The following HCN1 variants were observed in gnomAD, a reference collection of about 807,000 sequenced individuals.
The protein encoded by HCN1 is hyperpolarization activated cyclic nucleotide gated potassium channel 1, also known as potassium/sodium hyperpolarization-activated cyclic nucleotide-gated channel 1.
HCN1 carries 13 observed loss-of-function variants against 78.9 expected under a neutral mutation model. The observed-to-expected ratio is 0.16, with a 90% confidence interval of 0.11 to 0.26. HCN1 has a LOEUF of 0.26. Among genes scored for constraint, HCN1 ranks in the 10% least tolerant of loss-of-function variants. HCN1 has a pLI of 1.00. For synonymous variants in HCN1, 552 were observed against 455.5 expected (o/e 1.21, Z -2.70); for missense variants, 810 against 1,154.3 (o/e 0.70, Z 4.32).
At chr5:45,301,677 T>G (rs1561095333) in intron 6 of HCN1, among the ~76,000 whole-genome samples, 2 of 147,040 alleles carry the variant, frequency 1.4e-5, no homozygotes, top group African/African-American at 5.1e-5. Context: ...GCCATAATCA[T>G]GCCAGTGCAC....
chr5:45,359,254 G>C (rs191463641), intron 4 of HCN1, among the ~76,000 whole-genome samples: 6 of 151,946 alleles, frequency 3.9e-5, no homozygotes, highest in Non-Finnish European at 5.9e-5. Flanking sequence ...CATTGTATTA[G>C]AGGGGCAAAT....
chr5:45,665,256 C>T (rs1375670723), intron 1 of HCN1, among the ~76,000 whole-genome samples: 2 of 138,726 alleles, frequency 1.4e-5, no homozygotes, highest in East Asian at 4.3e-4. Flanking sequence ...AATGAGAACA[C>T]ATGGACACAG....
intron 2 of HCN1, among the ~76,000 whole-genome samples, chr5:45,478,458 G>A (rs543646216): frequency 3.9e-5 from 6 of 152,280 alleles, no homozygotes; most frequent in South Asian, 4.1e-4. Context: ...TGGCTTGTCC[G>A]AAGAGGAACA....
chr5:45,665,392 T>C (rs1746017541), intron 1 of HCN1, among the ~76,000 whole-genome samples: 2 of 151,930 alleles, frequency 1.3e-5, no homozygotes, highest in African/African-American at 4.8e-5. Context: ...GGCACATGTA[T>C]ACATATGTAA....
At chr5:45,410,484 A>G (rs1463857681) in intron 3 of HCN1, among the ~76,000 whole-genome samples, 1 of 152,050 alleles carries the variant, frequency 6.6e-6, no homozygotes, top group African/African-American at 2.4e-5. Context: ...TATTTTAATG[A>G]ACATTTAGAA....
intron 1 of HCN1, among the ~76,000 whole-genome samples, chr5:45,680,189 T>C (rs1443808363): frequency 6.6e-6 from 1 of 152,124 alleles, no homozygotes; most frequent in Non-Finnish European, 1.5e-5. Flanking sequence ...TTCCAGTGGA[T>C]TTTTCTCTTT....
chr5:45,355,287 C>T (rs1254590260), intron 4 of HCN1, among the ~76,000 whole-genome samples: 3 of 151,948 alleles, frequency 2.0e-5, no homozygotes, highest in African/African-American at 7.2e-5. Context: ...AACTATTGAT[C>T]TAGCAAACAT....
chr5:45,624,852 G>A (rs1001187968), intron 2 of HCN1, among the ~76,000 whole-genome samples: 1 of 152,038 alleles, frequency 6.6e-6, no homozygotes, highest in East Asian at 1.9e-4. Context: ...GTCAACTGTG[G>A]TAAGTAATGA....
At chr5:45,535,139 A>G (rs1742939836) in intron 2 of HCN1, among the ~76,000 whole-genome samples, 2 of 152,252 alleles carry the variant, frequency 1.3e-5, no homozygotes, top group African/African-American at 2.4e-5. Context: ...TCTTTAAATA[A>G]AGTAAAAAAA....
intron 2 of HCN1, among the ~76,000 whole-genome samples, chr5:45,593,937 A>G (rs1744436925): frequency 6.6e-6 from 1 of 152,000 alleles, no homozygotes; most frequent in Non-Finnish European, 1.5e-5. Flanking sequence ...CAGCCTCCCA[A>G]AGTGCTGGGA....
chr5:45,602,746 G>A lies in HCN1; in HGVS notation c.849+42439C>T, dbSNP rs868412828. Among the ~76,000 whole-genome samples the A allele has an allele frequency of 9.9e-5, 15 of 152,220 alleles. 1 individual carries two copies. In the Middle Eastern group the frequency reaches 0.027, roughly 276 times the overall value. On this transcript the variant is annotated intron_variant, in intron 2 of 7. Coordinates refer to ENST00000303230, the MANE Select transcript of HCN1 (RefSeq NM_021072.4). Reference sequence around the variant, plus strand: ...CCACTCTTCAGATTCAAGTGCTTGAGAGGCACCTTCTCCAAGTGTTTGTTA... The same window carrying A: ...CCACTCTTCAGATTCAAGTGCTTGAAAGGCACCTTCTCCAAGTGTTTGTTA...
chr5:45,595,288 G>T (rs982211021), intron 2 of HCN1, among the ~76,000 whole-genome samples: 3 of 152,184 alleles, frequency 2.0e-5, no homozygotes, highest in African/African-American at 7.2e-5. Flanking sequence ...CAAGTTGGTA[G>T]CTCTGAAGAC....
intron 6 of HCN1, among the ~76,000 whole-genome samples, chr5:45,295,763 G>A (rs1489525011): frequency 2.0e-5 from 3 of 151,962 alleles, no homozygotes; most frequent in African/African-American, 2.4e-5. Flanking sequence ...CTCAGCTAAT[G>A]TCTGGTTCTT....
intron 4 of HCN1, among the ~76,000 whole-genome samples, chr5:45,372,071 A>ATTATATATAATATAATTATATATATATT (rs1561127854): frequency 3.6e-4 from 17 of 47,534 alleles, no homozygotes; most frequent in East Asian, 9.7e-4. Context: ...TATATTATAT[A>ATTATATATAATATAATTATATATATATT]TTATATATAA....
At chr5:45,496,867 G>A (rs1260566003) in intron 2 of HCN1, among the ~76,000 whole-genome samples, 8 of 152,132 alleles carry the variant, frequency 5.3e-5, no homozygotes. Context: ...TCTACACACT[G>A]CTTTGAATGT....
intron 2 of HCN1, among the ~76,000 whole-genome samples, chr5:45,466,067 T>C (rs909180585): frequency 1.3e-5 from 2 of 152,198 alleles, no homozygotes; most frequent in African/African-American, 2.4e-5. Flanking sequence ...TTGCGAATCG[T>C]TCATCATAAA....
At chr5:45,443,521 G>C (rs1025237912) in intron 3 of HCN1, among the ~76,000 whole-genome samples, 1 of 151,904 alleles carries the variant, frequency 6.6e-6, no homozygotes, top group African/African-American at 2.4e-5. Context: ...AAGATTTATA[G>C]AAAAAAGATG....
intron 2 of HCN1, among the ~76,000 whole-genome samples, chr5:45,485,413 C>A (rs1289309849): frequency 6.6e-6 from 1 of 151,998 alleles, no homozygotes; most frequent in Non-Finnish European, 1.5e-5. Context: ...GAAATTACCC[C>A]CAAAATGTGA....
chr5:45,405,754 A>G (rs1298482709), intron 3 of HCN1, among the ~76,000 whole-genome samples: 7 of 152,044 alleles, frequency 4.6e-5, no homozygotes, highest in African/African-American at 1.7e-4. Context: ...AAACGTTTGT[A>G]CCTCTGATAA....
Sources: allele counts gnomAD v4.1 joint callset (sites outside exome capture counted in the v4.1 genomes callset), GRCh38; gene constraint gnomAD v4.1.1; transcripts MANE v1.5; gene names NCBI Gene and HGNC (gene_info 2026-07-23, HGNC 2026-07-21).